PACS1: variants seen among roughly 807,000 people sequenced by gnomAD.
PACS1 encodes the protein PACS-1.
A neutral mutation model predicts 115.0 loss-of-function variants in PACS1; 24 were observed. That is an observed-to-expected ratio of 0.21 (90% CI 0.15 to 0.29). PACS1 has a LOEUF of 0.29. PACS1 is among the 10% of genes least tolerant of loss of function. The pLI is 1.00. For synonymous variants in PACS1, 453 were observed against 504.5 expected (o/e 0.90, Z 1.37); for missense variants, 838 against 1,251.2 (o/e 0.67, Z 4.98).
chr11:66,155,992 G>A (rs1362209279), intron 1 of PACS1, among the ~76,000 whole-genome samples: 1 of 151,706 alleles, frequency 6.6e-6, no homozygotes, highest in Non-Finnish European at 1.5e-5. Context: ...AGTCTCAAAG[G>A]TGCAAACCAG....
At chr11:66,174,474 T>C (rs910946974) in intron 1 of PACS1, among the ~76,000 whole-genome samples, 1 of 152,256 alleles carries the variant, frequency 6.6e-6, no homozygotes, top group Non-Finnish European at 1.5e-5. Context: ...AAGACTTGTA[T>C]GTTCATAACA....
intron 1 of PACS1, among the ~76,000 whole-genome samples, chr11:66,114,358 C>T (rs545067641): frequency 6.7e-6 from 1 of 148,818 alleles, no homozygotes; most frequent in South Asian, 2.1e-4. Context: ...GCAGAGGTTG[C>T]AGTGAGCTGA....
At chr11:66,115,598 A>G (rs184980655) in intron 1 of PACS1, among the ~76,000 whole-genome samples, 10 of 152,364 alleles carry the variant, frequency 6.6e-5, no homozygotes, top group Admixed American at 6.5e-4. Flanking sequence ...AGGTAAGTAT[A>G]TTTCTTCAGC....
chr11:66,116,954 A>T (rs1457522592), intron 1 of PACS1, among the ~76,000 whole-genome samples: 1 of 152,038 alleles, frequency 6.6e-6, no homozygotes, highest in Non-Finnish European at 1.5e-5. Context: ...AGATAACACA[A>T]ATAAAGGGCA....
At chr11:66,118,021 C>G (rs995168638) in intron 1 of PACS1, among the ~76,000 whole-genome samples, 3 of 152,114 alleles carry the variant, frequency 2.0e-5, no homozygotes, top group Non-Finnish European at 4.4e-5. Flanking sequence ...CATTTGTGTT[C>G]TGTAGAACCC....
At chr11:66,089,562 C>G (rs749922766) in intron 1 of PACS1, among the ~76,000 whole-genome samples, 2 of 152,120 alleles carry the variant, frequency 1.3e-5, no homozygotes, top group Non-Finnish European at 2.9e-5. Context: ...CAATTAGAAA[C>G]TCTGTGATTT....
At chr11:66,108,893 C>T (rs1467883867) in intron 1 of PACS1, among the ~76,000 whole-genome samples, 1 of 152,076 alleles carries the variant, frequency 6.6e-6, no homozygotes, top group Non-Finnish European at 1.5e-5. Context: ...TGCTTGAGCC[C>T]AAGAGTTCAG....
In PACS1 at chr11:66,243,286, T is replaced by C. The variant is rs1399394943; in HGVS notation, c.*6T>C. The C allele has an allele frequency of 6.4e-7, 1 of 1,555,378 alleles. No homozygotes were observed. Among genetic ancestry groups the C allele is most frequent in the South Asian group, 1.2e-5 (1 of 86,190 alleles). ...GTGGCAGCAAGGCCACCTGAGGCCC[T>C]GTCTCCCAGCCACTTTCCCTCCTGG... On this transcript the variant is annotated 3_prime_UTR_variant, in exon 24 of 24. Coordinates refer to ENST00000320580, the MANE Select transcript of PACS1 (RefSeq NM_018026.4).
chr11:66,227,607 T>C, intron 11 of PACS1, 23 bp downstream of exon 11: 1 of 1,442,962 alleles, frequency 6.9e-7, no homozygotes, highest in Non-Finnish European at 9.6e-7. Flanking sequence ...CAGTTTCCTG[T>C]TTCAGCTGTT....
At chr11:66,206,743 T>C (rs1052391031) in intron 2 of PACS1, among the ~76,000 whole-genome samples, 3 of 152,062 alleles carry the variant, frequency 2.0e-5, no homozygotes, top group African/African-American at 7.2e-5. Context: ...ACGGTAGACC[T>C]GGTTGAGAAG....
intron 2 of PACS1, among the ~76,000 whole-genome samples, chr11:66,198,227 G>A (rs1327189555): frequency 2.0e-5 from 3 of 152,360 alleles, no homozygotes; most frequent in African/African-American, 7.2e-5. Flanking sequence ...AAAGGTTAAA[G>A]ACTGAGTAAC....
intron 9 of PACS1, 43 bp from the exon 10 acceptor site, chr11:66,221,111 T>C (rs377724293): frequency 2.2e-5 from 35 of 1,566,738 alleles, no homozygotes; most frequent in Non-Finnish European, 2.7e-5. Context: ...CATGCTGTTC[T>C]GAGCCCTGGC....
rs148963709 is a variant in PACS1, at chr11:66,083,222, C to G, written c.356+12380C>G. 3.4e-4 allele frequency among the ~76,000 whole-genome samples: 51 copies of G among 152,206 alleles called. 1 individual carries two copies. Among genetic ancestry groups the G allele is most frequent in the African/African-American group, 1.2e-3 (49 of 41,526 alleles). Reference sequence around the variant, plus strand: ...AAGGTCCTCTGGGAACATAAAAACTCCTGTGGCTATTAATGGATTTAATTG... The same window carrying G: ...AAGGTCCTCTGGGAACATAAAAACTGCTGTGGCTATTAATGGATTTAATTG... On this transcript the variant is annotated intron_variant, in intron 1 of 23. Transcript: ENST00000320580.
In PACS1 at chr11:66,168,243, T is replaced by C. The variant is rs746086200; in HGVS notation, c.357-25243T>C. Among the ~76,000 whole-genome samples, 6 of 150,416 alleles carry C rather than the reference T, an allele frequency of 4.0e-5. 1 individual carries two copies. Among genetic ancestry groups the C allele is most frequent in the African/African-American group, 1.5e-4 (6 of 39,784 alleles). ...TTTTAGAATTAGCATCTGTGGAAAA[T>C]CCTGTTGGAATTTTGATCGGTGTTG... On this transcript the variant is annotated intron_variant, in intron 1 of 23. Transcript: ENST00000320580.
intron 1 of PACS1, among the ~76,000 whole-genome samples, chr11:66,162,792 T>A (rs1193894030): frequency 6.6e-6 from 1 of 152,260 alleles, no homozygotes; most frequent in East Asian, 1.9e-4. Context: ...TTGCTAAGAC[T>A]AATGCGTCTA....
At position 66,073,416 on chromosome 11, in the gene PACS1, G is replaced by A. The variant is rs1271253332; in HGVS notation, c.356+2574G>A. Among the ~76,000 whole-genome samples, 3 of 152,288 alleles carry A rather than the reference G, an allele frequency of 2.0e-5. No individual in the cohort carries two copies. In the East Asian group the frequency reaches 5.8e-4, roughly 29 times the overall value. On this transcript the variant is annotated intron_variant, in intron 1 of 23. Transcript: ENST00000320580. ...CCCTTAGAAATGTAAACATGATTGT[G>A]GATCTAAGGTTAGGTGTGCATAAGA...
At chr11:66,100,352 C>G (rs1337736329) in intron 1 of PACS1, among the ~76,000 whole-genome samples, 1 of 152,096 alleles carries the variant, frequency 6.6e-6, no homozygotes, top group African/African-American at 2.4e-5. Flanking sequence ...CTTATTTGCT[C>G]CTTGTAACTG....
intron 1 of PACS1, among the ~76,000 whole-genome samples, chr11:66,111,743 G>A (rs189613393): frequency 5.8e-4 from 89 of 152,162 alleles, no homozygotes; most frequent in African/African-American, 2.0e-3. Flanking sequence ...TCCACCTCCC[G>A]GGTTCAAGTG....
intron 1 of PACS1, among the ~76,000 whole-genome samples, chr11:66,106,032 C>T (rs1290231894): frequency 6.6e-6 from 1 of 152,176 alleles, no homozygotes; most frequent in Non-Finnish European, 1.5e-5. Context: ...TTCTGGCTAG[C>T]TTTTCCACAG....
Sources: allele counts gnomAD v4.1 joint callset (sites outside exome capture counted in the v4.1 genomes callset), GRCh38; gene constraint gnomAD v4.1.1; transcripts MANE v1.5; gene names NCBI Gene and HGNC (gene_info 2026-07-23, HGNC 2026-07-21).